TAF1B: variants seen among roughly 807,000 people sequenced by gnomAD.
TAF1B encodes TATA-box binding protein associated factor, RNA polymerase I subunit B, also known as TATA box-binding protein-associated factor RNA polymerase I subunit B.
Under a neutral mutation model 83.9 loss-of-function variants are expected in TAF1B, and 61 were observed. The ratio of observed to expected loss-of-function variants is 0.73; its 90% CI spans 0.59 to 0.90. The LOEUF (loss-of-function observed/expected upper bound fraction) is 0.90. Among genes scored for constraint, TAF1B ranks in the 40% least tolerant of loss-of-function variants. TAF1B has a pLI of 0.00. For synonymous variants in TAF1B, 221 were observed against 224.6 expected (o/e 0.98, Z 0.14); for missense variants, 625 against 677.0 (o/e 0.92, Z 0.85).
rs534943290 is a variant in TAF1B at position 9,906,711 on chromosome 2, A to C, written c.955+1705A>C. 3.6e-3 allele frequency among the ~76,000 whole-genome samples: 542 copies of C among 152,356 alleles called. 2 individuals are homozygous for C. Among genetic ancestry groups the C allele is most frequent in the Middle Eastern group, 0.014 (4 of 294 alleles). ...TATAACGTAACCACAGCTACAGAAA[A>C]TGAAGACATTCATGAAAATATTAGA... On this transcript the variant is annotated intron_variant, in intron 9 of 14. Transcript: ENST00000263663.
chr2:9,906,502 T>TATA (rs1408305257), intron 9 of TAF1B, among the ~76,000 whole-genome samples: 1 of 152,184 alleles, frequency 6.6e-6, no homozygotes, highest in Non-Finnish European at 1.5e-5. Context: ...TCTTTATTTA[T>TATA]AATATTGAAA....
intron 3 of TAF1B, 94 bp from the exon 4 acceptor site, chr2:9,851,447 A>G: frequency 2.0e-6 from 2 of 984,842 alleles, no homozygotes; most frequent in Non-Finnish European, 2.9e-6. Flanking sequence ...GAAAAATTCA[A>G]GTCGCAATGT....
At chr2:9,918,783 TG>T (rs1303885570) in intron 12 of TAF1B, among the ~76,000 whole-genome samples, 1 of 152,230 alleles carries the variant, frequency 6.6e-6, no homozygotes, top group Non-Finnish European at 1.5e-5. Context: ...CTATGTTTTT[TG>T]TATAATTAAT....
At chr2:9,872,438 C>T (rs1664197184) in intron 6 of TAF1B, among the ~76,000 whole-genome samples, 1 of 152,094 alleles carries the variant, frequency 6.6e-6, no homozygotes, top group South Asian at 2.1e-4. Context: ...ATGAGTTTCT[C>T]CAATTCCTGA....
chr2:9,843,810 T>C (rs971203850), intron 1 of TAF1B: 4 of 423,078 alleles, frequency 9.5e-6, no homozygotes, highest in African/African-American at 6.4e-5. Context: ...TTTGTCGTTA[T>C]GGGTGTGTTT....
chr2:9,856,697 G>A (rs977445041), intron 5 of TAF1B, among the ~76,000 whole-genome samples: 1 of 151,800 alleles, frequency 6.6e-6, no homozygotes, highest in African/African-American at 2.4e-5. Flanking sequence ...GTTAACTTAA[G>A]TTTTTTTTAA....
intron 4 of TAF1B, 53 bp downstream of exon 4, chr2:9,851,691 A>C: frequency 7.1e-7 from 1 of 1,411,142 alleles, no homozygotes; most frequent in Admixed American, 1.9e-5. Flanking sequence ...TTTAAAGAAC[A>C]GTAAGACTTA....
chr2:9,844,746 A>G (rs181287769), intron 1 of TAF1B, among the ~76,000 whole-genome samples: 1 of 152,312 alleles, frequency 6.6e-6, no homozygotes, highest in East Asian at 1.9e-4. Context: ...AGCACCTAGT[A>G]AAAAGCCTGG....
intron 8 of TAF1B, among the ~76,000 whole-genome samples, chr2:9,889,393 A>G (rs1021657050): frequency 2.0e-5 from 3 of 152,066 alleles, no homozygotes; most frequent in Non-Finnish European, 4.4e-5. Flanking sequence ...AACCCATTCA[A>G]TGTGTTTTTC....
Position 9,914,710 on chromosome 2 carries a change from C to T in TAF1B, c.1271+1461C>T, listed in dbSNP as rs1333290359. ...AAGTCTGGTTATAAAATGGCACTTT[C>T]CAGGGAGGTACCGGGCCCCAAGGTG... On this transcript the variant is annotated intron_variant, in intron 12 of 14. Coordinates refer to ENST00000263663, the MANE Select transcript of TAF1B (RefSeq NM_005680.3). This position sits in a 1 kb window ranked among gnomAD's most constrained non-coding sequence, Gnocchi z 4.3. Among the ~76,000 whole-genome samples the T allele has an allele frequency of 6.6e-6, 1 of 152,176 alleles. No individual in the cohort carries two copies. Among genetic ancestry groups the T allele is most frequent in the Non-Finnish European group, 1.5e-5 (1 of 68,030 alleles).
chr2:9,862,194 GA>G (rs936464151), intron 5 of TAF1B, among the ~76,000 whole-genome samples: 26 of 150,864 alleles, frequency 1.7e-4, no homozygotes, highest in African/African-American at 4.4e-4. Context: ...TAAAAACCTT[GA>G]AAAAAAAATT....
rs1193032517 is a variant in TAF1B at position 9,910,930 on chromosome 2, T to G, written c.1133+17T>G. 2 of 1,587,786 alleles carry G rather than the reference T, an allele frequency of 1.3e-6. No individual in the cohort carries two copies. The highest frequency in any genetic ancestry group is 2.3e-5 in the South Asian group (2 of 87,282). On this transcript the variant is annotated intron_variant, in intron 10 of 14. Transcript: ENST00000263663. ...TTTCGAGTGGTAAGTGTACGTCAAT[T>G]TTATGACAAGTAACATTTTATGGTG... is the stretch of plus-strand genomic sequence containing the variant.
At chr2:9,844,313 C>G (rs922270377) in intron 1 of TAF1B, 1 of 151,836 alleles carries the variant, frequency 6.6e-6, no homozygotes, top group Non-Finnish European at 1.5e-5. Flanking sequence ...CCAAGCCCGG[C>G]TAATTTTTTT....
chr2:9,845,057 G>A (rs1572205711), intron 1 of TAF1B, among the ~76,000 whole-genome samples, 163 bp from the exon 2 acceptor site: 1 of 151,776 alleles, frequency 6.6e-6, no homozygotes. Flanking sequence ...TTCATACCGC[G>A]CCTCTCCTTG....
intron 5 of TAF1B, among the ~76,000 whole-genome samples, chr2:9,862,181 G>A (rs1177051348): frequency 6.6e-6 from 1 of 151,926 alleles, no homozygotes; most frequent in Non-Finnish European, 1.5e-5. Flanking sequence ...TGGCAAAGAA[G>A]ATTAAAAACC....
intron 14 of TAF1B, among the ~76,000 whole-genome samples, chr2:9,924,662 G>A (rs17364189): frequency 0.28 from 41,871 of 152,098 alleles, 6,814 homozygotes; most frequent in Middle Eastern, 0.4. Context: ...AAAATATGCC[G>A]AATATGCTCT....
At chr2:9,910,943 A>G (rs1381943875) in intron 10 of TAF1B, 30 bp downstream of exon 10, 41 of 1,577,918 alleles carry the variant, frequency 2.6e-5, no homozygotes, top group Non-Finnish European at 3.5e-5. Flanking sequence ...ATGACAAGTA[A>G]CATTTTATGG....
Position 9,868,291 on chromosome 2 carries a change from C to T in TAF1B, c.415C>T (p.Leu139=). Reference sequence around the variant, plus strand: ...TTGCAAACAGGTATTAGAAGATAATCTAAGTCATTCAGACTGGGCTAGTGA... The same window carrying T: ...TTGCAAACAGGTATTAGAAGATAATTTAAGTCATTCAGACTGGGCTAGTGA... ...GRKPTVLEDN[L]SHSDWASEPE... The change falls in exon 6 of 15, where the codon CTA becomes TTA. Residue 139 remains leucine (L), a synonymous_variant. Transcript: ENST00000263663. The T allele has an allele frequency of 6.2e-7, 1 of 1,611,294 alleles. No individual in the cohort carries two copies. The highest frequency in any genetic ancestry group is 8.5e-7 in the Non-Finnish European group (1 of 1,178,424).
At chr2:9,902,452 C>CAGA (rs1665211341) in intron 8 of TAF1B, among the ~76,000 whole-genome samples, 1 of 152,132 alleles carries the variant, frequency 6.6e-6, no homozygotes, top group Admixed American at 6.5e-5. Context: ...TCTAACAGTA[C>CAGA]AGAAGATGGG....
Sources: allele counts gnomAD v4.1 joint callset (sites outside exome capture counted in the v4.1 genomes callset), GRCh38; gene constraint gnomAD v4.1.1; non-coding constraint Gnocchi (gnomAD v3.1); transcripts MANE v1.5; gene names NCBI Gene and HGNC (gene_info 2026-07-23, HGNC 2026-07-21).